DCUN1D1: variants seen among roughly 807,000 people sequenced by gnomAD.
DCUN1D1 encodes the protein DCN1-like protein 1.
In DCUN1D1, 3 loss-of-function variants were observed where a neutral mutation model predicts 39.0. The ratio of observed to expected loss-of-function variants is 0.08; its 90% CI spans 0.04 to 0.20. The LOEUF is 0.20. Ranked by LOEUF, DCUN1D1 falls within the 10% of genes least tolerant of loss-of-function variation. DCUN1D1 has a pLI of 1.00. For missense variants in DCUN1D1, 158 were observed against 302.4 expected (o/e 0.52, Z 3.54); for synonymous variants, 82 against 96.3 (o/e 0.85, Z 0.87).
chr3:182,961,100 A>T, intron 4 of DCUN1D1, 126 bp downstream of exon 4: 1 of 701,506 alleles, frequency 1.4e-6, no homozygotes, highest in Non-Finnish European at 2.3e-6. Flanking sequence ...GTTTCTAATT[A>T]CTTTTCAATA....
intron 4 of DCUN1D1, among the ~76,000 whole-genome samples, chr3:182,959,501 C>CAAAAACAAA (rs1727265689): frequency 1.2e-5 from 1 of 81,132 alleles, no homozygotes; most frequent in Non-Finnish European, 2.2e-5. Context: ...CTTCAAAAAC[C>CAAAAACAAA]AAAAAAAAAA....
At chr3:182,974,794 G>GAC (rs1324736650) in intron 1 of DCUN1D1, among the ~76,000 whole-genome samples, 2 of 150,674 alleles carry the variant, frequency 1.3e-5, no homozygotes, top group African/African-American at 4.9e-5. Flanking sequence ...CCATAATGCA[G>GAC]ACAAGCAGCC....
At chr3:182,957,278 A>C (rs1727122054) in intron 4 of DCUN1D1, among the ~76,000 whole-genome samples, 2 of 152,228 alleles carry the variant, frequency 1.3e-5, no homozygotes, top group Admixed American at 6.5e-5. Context: ...GGGTAGGTTA[A>C]ATTTTATAGA....
upstream of DCUN1D1, among the ~76,000 whole-genome samples, chr3:182,985,237 G>A (rs138221530): frequency 7.9e-5 from 12 of 152,290 alleles, no homozygotes; most frequent in African/African-American, 2.9e-4. Context: ...AAACTTACCA[G>A]AGTGGAGGCT....
chr3:182,984,007 G>C (rs916652244), upstream of DCUN1D1, among the ~76,000 whole-genome samples: 2 of 152,204 alleles, frequency 1.3e-5, no homozygotes, highest in African/African-American at 4.8e-5. Context: ...CACTGCTTAA[G>C]GTCAGAGACC....
intron 1 of DCUN1D1, among the ~76,000 whole-genome samples, chr3:182,975,175 A>G (rs1030593023): frequency 2.2e-5 from 3 of 138,652 alleles, no homozygotes; most frequent in African/African-American, 8.1e-5. Context: ...TTAACACAGA[A>G]TTTTTTTTTT....
At position 182,945,182 on chromosome 3, in the gene DCUN1D1, A is replaced by T; in HGVS notation, c.701-9T>A. The T allele has an allele frequency of 6.3e-7, 1 of 1,591,196 alleles. No individual in the cohort carries two copies. Among genetic ancestry groups the T allele is most frequent in the South Asian group, 1.2e-5 (1 of 86,636 alleles). ...AAGAACAGGCCATGCTCCTGGAAAA[A>T]AGAAAAAATATGAAAGAAAGAGAAG... On this transcript the variant is annotated splice_polypyrimidine_tract_variant and intron_variant, in intron 6 of 6. Transcript: ENST00000292782.
upstream of DCUN1D1, among the ~76,000 whole-genome samples, chr3:182,982,403 G>C (rs1008066656): frequency 8.5e-5 from 13 of 152,198 alleles, no homozygotes; most frequent in Middle Eastern, 3.4e-3. Context: ...CAAGTGACAG[G>C]CCTAAACACT....
chr3:182,951,329 A>G (rs1360893284), intron 4 of DCUN1D1, among the ~76,000 whole-genome samples: 1 of 152,172 alleles, frequency 6.6e-6, no homozygotes, highest in African/African-American at 2.4e-5. Context: ...ATATTCAAAT[A>G]AGTACTAACC....
At position 182,941,934 on chromosome 3, in the gene DCUN1D1, A is replaced by C. The variant is rs1172921168; in HGVS notation, c.*3160T>G. 1 of 152,154 alleles carries C rather than the reference A, an allele frequency of 6.6e-6. No individual in the cohort carries two copies. Among genetic ancestry groups the C allele is most frequent in the African/African-American group, 2.4e-5 (1 of 41,464 alleles). 9.4% of individuals were successfully genotyped at this position (152,154 alleles called of 1,614,324 possible). On this transcript the variant is annotated 3_prime_UTR_variant, in exon 7 of 7. Coordinates refer to ENST00000292782, the MANE Select transcript of DCUN1D1 (RefSeq NM_020640.4). ...GTTTAAAAACCTAAGCAAAGTGTAC[A>C]TTAAGTTAGCTACTACTACTCACTT...
rs1726059839 is a variant in DCUN1D1 at position 182,939,840 on chromosome 3, C to A, written c.*5254G>T. ...TGAATTTTACAGTGTGTAAATTATA[C>A]AAAGCAATTTTTTAAGTACCATTGT... is the stretch of plus-strand genomic sequence containing the variant. On this transcript the variant is annotated 3_prime_UTR_variant, in exon 7 of 7. Coordinates refer to ENST00000292782, the MANE Select transcript of DCUN1D1 (RefSeq NM_020640.4). 6.6e-6 allele frequency: 1 copy of A among 152,088 alleles called. No individual in the cohort carries two copies. Among genetic ancestry groups the A allele is most frequent in the African/African-American group, 2.4e-5 (1 of 41,424 alleles). The allele number at this position is 152,088 out of a possible 1,614,324, so 9.4% of individuals were successfully genotyped here.
upstream of DCUN1D1, among the ~76,000 whole-genome samples, chr3:182,981,154 C>A (rs1728534423): frequency 6.6e-6 from 1 of 152,052 alleles, no homozygotes; most frequent in South Asian, 2.1e-4. Context: ...TTAGTGAGGA[C>A]CAGGCTCTCC....
At chr3:182,948,375 G>C (rs571282885) in intron 4 of DCUN1D1, among the ~76,000 whole-genome samples, 1 of 152,314 alleles carries the variant, frequency 6.6e-6, no homozygotes, top group Admixed American at 6.5e-5. Flanking sequence ...GAAGGGTAGA[G>C]AAGGCAATAA....
rs1274974151 is a variant in DCUN1D1, at chr3:182,974,510, ATGAGATTT to A, written c.3+5969_3+5976del. On this transcript the variant is annotated intron_variant, in intron 1 of 6. Transcript: ENST00000292782. Reference sequence around the variant, plus strand: ...CAACACACAAAAAATGAAAAATTAAATGAGATTTTTAAAATTCCACGGTTAAGTTCTAA... The same window carrying A: ...CAACACACAAAAAATGAAAAATTAAATTAAAATTCCACGGTTAAGTTCTAA... 1.9e-3 allele frequency among the ~76,000 whole-genome samples: 289 copies of A among 151,820 alleles called. 1 individual carries two copies. The highest frequency in any genetic ancestry group is 6.9e-3 in the African/African-American group (287 of 41,530).
chr3:182,981,606 C>T (rs1560187342), upstream of DCUN1D1, among the ~76,000 whole-genome samples: 4 of 152,224 alleles, frequency 2.6e-5, no homozygotes. Flanking sequence ...ACATCTGAAA[C>T]TGTACCAAGA....
chr3:182,984,996 A>G (rs1444321701), upstream of DCUN1D1, among the ~76,000 whole-genome samples: 4 of 152,218 alleles, frequency 2.6e-5, no homozygotes, highest in East Asian at 7.7e-4. Flanking sequence ...CATTTACACT[A>G]ATGTCCTTAT....
chr3:182,976,503 T>G (rs1728249282), intron 1 of DCUN1D1, among the ~76,000 whole-genome samples: 1 of 148,694 alleles, frequency 6.7e-6, no homozygotes, highest in African/African-American at 2.5e-5. Context: ...CCAGCCACAT[T>G]GGTCTCACTG....
chr3:182,955,840 C>T (rs1418651177), intron 4 of DCUN1D1: 3 of 220,676 alleles, frequency 1.4e-5, no homozygotes, highest in Admixed American at 5.3e-5. Flanking sequence ...CTTGGCCTCC[C>T]AAAGTGCTGG....
intron 2 of DCUN1D1, among the ~76,000 whole-genome samples, chr3:182,964,407 CT>C (rs1478868500): frequency 2.0e-5 from 3 of 152,050 alleles, no homozygotes; most frequent in Non-Finnish European, 4.4e-5. Flanking sequence ...AACAGAAATT[CT>C]TTTTTTCTTA....
Sources: allele counts gnomAD v4.1 joint callset (sites outside exome capture counted in the v4.1 genomes callset), GRCh38; gene constraint gnomAD v4.1.1; transcripts MANE v1.5; gene names NCBI Gene and HGNC (gene_info 2026-07-23, HGNC 2026-07-21).